ZFYVE16: variants seen among roughly 807,000 people sequenced by gnomAD.
ZFYVE16 encodes the protein zinc finger FYVE domain-containing protein 16.
ZFYVE16 carries 89 observed loss-of-function variants against 138.1 expected under a neutral mutation model. The ratio of observed to expected loss-of-function variants is 0.64; its 90% CI spans 0.54 to 0.77. The LOEUF (loss-of-function observed/expected upper bound fraction) is 0.77, where lower values mean the gene tolerates loss of function less well. Ranked by LOEUF, ZFYVE16 falls within the 30% of genes least tolerant of loss-of-function variation. The pLI, the probability that ZFYVE16 is intolerant of heterozygous loss-of-function variation, is 0.00. For missense variants in ZFYVE16, 1,793 were observed against 1,786.7 expected (o/e 1.00, Z -0.06); for synonymous variants, 596 against 618.3 (o/e 0.96, Z 0.53).
chr5:80,465,396 C>CTTTTTTTTTTT (rs1187412933), intron 15 of ZFYVE16, among the ~76,000 whole-genome samples: 62 of 26,370 alleles, frequency 2.4e-3, no homozygotes, highest in Non-Finnish European at 4.7e-3. Flanking sequence ...TTTTCCTTTT[C>CTTTTTTTTTTT]TTTGTTTTTT....
intron 1 of ZFYVE16, among the ~76,000 whole-genome samples, chr5:80,417,276 A>G (rs781671973): frequency 3.3e-5 from 5 of 152,130 alleles, no homozygotes; most frequent in South Asian, 2.1e-4. Flanking sequence ...CCTTATTCCT[A>G]CGTCCCCTGT....
At position 80,441,304 on chromosome 5, in the gene ZFYVE16, G is replaced by A. The variant is rs142555438; in HGVS notation, c.2419+1272G>A. ...ATTTTGACTCTAAGGGTCCAGGAGG[G>A]GAGAAGATATGATCATTAAAGAAAT... On this transcript the variant is annotated intron_variant, in intron 5 of 18. Transcript: ENST00000505560. 1.3e-3 allele frequency: 1,286 copies of A among 985,376 alleles called. 10 individuals carry two copies. In the African/African-American group the frequency reaches 0.02, roughly 16 times the overall value. The allele number at this position is 985,376 out of a possible 1,614,324, so 61.0% of individuals were successfully genotyped here.
rs1268561615 is a variant in ZFYVE16, at chr5:80,451,700, G to A, written c.3598G>A (p.Glu1200Lys). ...GCGTTTAATGTTGAGATTGGGTGCA[G>A]AATATAAAGGTAAGTTTTAGAGTAA... is the stretch of plus-strand genomic sequence containing the variant. ...PMRLMLRLGA[E>K]YKAYPAPLTS... Residue 1200 changes from glutamate to lysine, a missense_variant, in exon 11 of 19, where the codon GAA becomes AAA. Glu to Lys is a moderately conservative substitution (Grantham distance 56). Transcript: ENST00000505560. The A allele has an allele frequency of 6.2e-7, 1 of 1,612,010 alleles. No homozygotes were observed. The highest frequency in any genetic ancestry group is 1.7e-4 in the Middle Eastern group (1 of 6,052).
chr5:80,442,832 C>T (rs1360177655), intron 5 of ZFYVE16, among the ~76,000 whole-genome samples: 1 of 152,010 alleles, frequency 6.6e-6, no homozygotes, highest in Non-Finnish European at 1.5e-5. Context: ...GGTACAAGGG[C>T]AAAAACAGAG....
intron 1 of ZFYVE16, among the ~76,000 whole-genome samples, chr5:80,423,989 A>G (rs552799038): frequency 2.0e-4 from 30 of 149,690 alleles, no homozygotes; most frequent in Non-Finnish European, 3.1e-4. Context: ...CTTGTTGCTC[A>G]GGCTGGAGTG....
chr5:80,410,016 A>G (rs1020609160), intron 1 of ZFYVE16: 1 of 151,506 alleles, frequency 6.6e-6, no homozygotes, highest in South Asian at 2.1e-4. Context: ...TGCCTGTATA[A>G]TTTGCTTTTG....
At chr5:80,455,635 T>G in intron 11 of ZFYVE16, 57 bp from the exon 12 acceptor site, 1 of 1,325,904 alleles carries the variant, frequency 7.5e-7, no homozygotes, top group South Asian at 1.2e-5. Context: ...GGTAATAAAT[T>G]CAATAATTTG....
intron 1 of ZFYVE16, among the ~76,000 whole-genome samples, chr5:80,408,975 G>A (rs547558301): frequency 1.4e-4 from 5 of 36,890 alleles, no homozygotes; most frequent in Non-Finnish European, 6.5e-4. Context: ...ATAATTTTTC[G>A]CCTAATTTCT....
chr5:80,437,112 G>A lies in ZFYVE16; in HGVS notation c.427G>A (p.Glu143Lys), dbSNP rs757985340. ...TAACTTAGTTCATGCAACCAATAGT[G>A]AAGAAGATATTAAAAAATTATTGCC... is the stretch of plus-strand genomic sequence containing the variant. ...MGNLVHATNS[E>K]EDIKKLLPDD... Residue 143 changes from glutamate (E) to lysine (K), a missense_variant, in exon 4 of 19, where the codon GAA (glutamate) becomes AAA (lysine). By Grantham distance (56) the Glu-to-Lys change is moderately conservative. Coordinates refer to ENST00000505560, the MANE Select transcript of ZFYVE16 (RefSeq NM_001284236.3). 5 of 1,613,990 alleles carry A rather than the reference G, an allele frequency of 3.1e-6. No individual in the cohort carries two copies. The highest frequency in any genetic ancestry group is 1.1e-5 in the South Asian group (1 of 91,070).
In ZFYVE16 at chr5:80,436,547, C is replaced by G. The variant is rs568775813; in HGVS notation, c.71-209C>G. ...TTACTTTCTAGTTAATTGAAACAGCCAATAATCACAAACAAGATAATTTCA... is the reference window on the plus strand; with the variant it reads ...TTACTTTCTAGTTAATTGAAACAGCGAATAATCACAAACAAGATAATTTCA... On this transcript the variant is annotated intron_variant, in intron 3 of 18. Transcript: ENST00000505560. Among the ~76,000 whole-genome samples, 125 of 152,116 alleles carry G rather than the reference C, an allele frequency of 8.2e-4. 1 individual carries two copies. Among genetic ancestry groups the G allele is most frequent in the Admixed American group, 1.6e-3 (24 of 15,286 alleles).
intron 15 of ZFYVE16, among the ~76,000 whole-genome samples, chr5:80,464,275 G>A (rs1388241685): frequency 2.0e-5 from 3 of 152,102 alleles, no homozygotes; most frequent in Admixed American, 6.6e-5. Flanking sequence ...CACAGCCTCA[G>A]GAAACTTATG....
chr5:80,441,402 T>G, intron 5 of ZFYVE16: 2 of 985,384 alleles, frequency 2.0e-6, no homozygotes, highest in Non-Finnish European at 2.4e-6. Context: ...TAGTTATCTG[T>G]TCAAATTCTA....
chr5:80,477,196 T>C (rs1754999595), intron 18 of ZFYVE16, 23 bp from the exon 19 acceptor site: 9 of 1,568,810 alleles, frequency 5.7e-6, no homozygotes, highest in Non-Finnish European at 7.7e-6. Context: ...CATTTTCTTA[T>C]CAAGAATTTT....
chr5:80,437,890 A>C lies in ZFYVE16; in HGVS notation c.1205A>C (p.Glu402Ala), dbSNP rs1436687843. 1.2e-6 allele frequency: 2 copies of C among 1,614,012 alleles called. No homozygotes were observed. The highest frequency in any genetic ancestry group is 2.7e-5 in the African/African-American group (2 of 74,928). ...KARGDFLPQH[E>A]HKDNIQDAVT... ...CGGGGTGATTTTTTACCTCAGCATG[A>C]ACATAAAGATAATATACAAGATGCA... Residue 402 changes from glutamate (E) to alanine (A), a missense_variant, in exon 4 of 19, where the codon GAA (glutamate) becomes GCA (alanine). Physicochemically the swap from Glu to Ala is moderately radical, Grantham distance 107. Around this residue, in one of 2 missense-constraint regions of ZFYVE16, gnomAD observed 1,295 missense variants for 1,204.3 expected, o/e 1.08. Transcript: ENST00000505560.
intron 15 of ZFYVE16, among the ~76,000 whole-genome samples, chr5:80,471,767 A>G (rs148701505): frequency 1.3e-5 from 2 of 152,304 alleles, no homozygotes; most frequent in African/African-American, 4.8e-5. Context: ...ATTTTGCTGA[A>G]GAAGGTTTGT....
chr5:80,462,560 G>A (rs976886684), intron 15 of ZFYVE16, among the ~76,000 whole-genome samples: 2 of 151,982 alleles, frequency 1.3e-5, no homozygotes, highest in Admixed American at 6.6e-5. Context: ...ATTTGGGTGG[G>A]GACACAAAGC....
intron 1 of ZFYVE16, among the ~76,000 whole-genome samples, chr5:80,420,290 T>C (rs1746935977): frequency 6.6e-6 from 1 of 151,800 alleles, no homozygotes; most frequent in South Asian, 2.1e-4. Flanking sequence ...TTTTTATTAT[T>C]ATTTATTATT....
chr5:80,460,991 C>T (rs1049441017), intron 15 of ZFYVE16, among the ~76,000 whole-genome samples: 34 of 152,258 alleles, frequency 2.2e-4, no homozygotes, highest in African/African-American at 8.2e-4. Context: ...TCATTTCATT[C>T]ACAAATACTA....
chr5:80,431,092 G>A (rs1251323758), intron 2 of ZFYVE16, among the ~76,000 whole-genome samples: 1 of 152,126 alleles, frequency 6.6e-6, no homozygotes, highest in African/African-American at 2.4e-5. Flanking sequence ...ATTTTATGAG[G>A]CCAGCATCAT....
Sources: allele counts gnomAD v4.1 joint callset (sites outside exome capture counted in the v4.1 genomes callset), GRCh38; gene constraint gnomAD v4.1.1; regional missense constraint gnomAD v4.1.1; transcripts MANE v1.5; gene names NCBI Gene and HGNC (gene_info 2026-07-23, HGNC 2026-07-21).